The following GPM6A variants were observed in gnomAD, a reference collection of about 807,000 sequenced individuals.
GPM6A encodes glycoprotein M6A, also known as neuronal membrane glycoprotein M6-a.
A neutral mutation model predicts 32.1 loss-of-function variants in GPM6A; 7 were observed. That is an observed-to-expected ratio of 0.22 (90% CI 0.12 to 0.41). GPM6A has a LOEUF of 0.41. Ranked by LOEUF, GPM6A falls within the 10% of genes least tolerant of loss-of-function variation. The pLI is 1.00. For missense variants in GPM6A, 235 were observed against 347.2 expected, an observed-to-expected ratio of 0.68 and a Z score of 2.57; for synonymous variants, 130 against 123.4, an observed-to-expected ratio of 1.05 and a Z score of -0.35.
intron 2 of GPM6A, among the ~76,000 whole-genome samples, chr4:175,697,054 TA>T (rs1744619514): frequency 1.3e-5 from 2 of 152,222 alleles, no homozygotes; most frequent in African/African-American, 4.8e-5. Context: ...TTACAGTCAT[TA>T]AAAAATTAAT....
chr4:175,809,742 C>G (rs146352865), intron 1 of GPM6A, among the ~76,000 whole-genome samples: 1 of 152,280 alleles, frequency 6.6e-6, no homozygotes, highest in Non-Finnish European at 1.5e-5. Context: ...GGAGTGGGCT[C>G]TCACTATGAA....
intron 1 of GPM6A, among the ~76,000 whole-genome samples, chr4:175,790,002 C>T (rs1733949497): frequency 6.6e-6 from 1 of 152,180 alleles, no homozygotes; most frequent in Non-Finnish European, 1.5e-5. Context: ...AAGGCTGTTT[C>T]AACCTTTTCT....
At chr4:175,954,925 C>T (rs958584197) in intron 1 of GPM6A, among the ~76,000 whole-genome samples, 6 of 152,268 alleles carry the variant, frequency 3.9e-5, no homozygotes, top group Admixed American at 6.5e-5. Context: ...GTACTACAGG[C>T]GCTGTGAGGG....
At chr4:175,682,568 C>T (rs539260900) in intron 2 of GPM6A, among the ~76,000 whole-genome samples, 5 of 152,274 alleles carry the variant, frequency 3.3e-5, no homozygotes, top group Admixed American at 2.6e-4. Flanking sequence ...GGCCCAGAGG[C>T]CTAGAAGGAA....
intron 1 of GPM6A, among the ~76,000 whole-genome samples, chr4:175,917,520 A>C (rs770551127): frequency 1.1e-4 from 17 of 152,198 alleles, no homozygotes; most frequent in Non-Finnish European, 2.5e-4. Flanking sequence ...AAGAACAAAG[A>C]AGGCAGAAAC....
intron 3 of GPM6A, among the ~76,000 whole-genome samples, chr4:175,663,474 A>C (rs2110952854): frequency 6.6e-6 from 1 of 152,316 alleles, no homozygotes; most frequent in South Asian, 2.1e-4. Context: ...TGGTCGCTAT[A>C]GTTAATAACA....
chr4:175,951,224 C>A (rs906616858), intron 1 of GPM6A, among the ~76,000 whole-genome samples: 3 of 152,172 alleles, frequency 2.0e-5, no homozygotes, highest in Non-Finnish European at 4.4e-5. Flanking sequence ...CCAACTGACC[C>A]TGTAACAAGC....
At chr4:175,681,162 T>C (rs1743662575) in intron 2 of GPM6A, among the ~76,000 whole-genome samples, 1 of 152,220 alleles carries the variant, frequency 6.6e-6, no homozygotes, top group Non-Finnish European at 1.5e-5. Flanking sequence ...GTAGTTTTGT[T>C]ACGTATTGCC....
intron 1 of GPM6A, among the ~76,000 whole-genome samples, chr4:175,961,802 A>G (rs984134573): frequency 6.6e-6 from 1 of 152,042 alleles, no homozygotes; most frequent in Non-Finnish European, 1.5e-5. Context: ...TGCCTACCCA[A>G]CCTCGAAGAA....
At chr4:175,860,891 A>G (rs1017894819) in intron 1 of GPM6A, among the ~76,000 whole-genome samples, 1 of 152,166 alleles carries the variant, frequency 6.6e-6, no homozygotes, top group Non-Finnish European at 1.5e-5. Context: ...GCTACTCTTT[A>G]TGTGTAAAGC....
At chr4:175,913,727 C>T (rs538173230) in intron 1 of GPM6A, among the ~76,000 whole-genome samples, 1 of 152,128 alleles carries the variant, frequency 6.6e-6, no homozygotes, top group Non-Finnish European at 1.5e-5. Flanking sequence ...CTCCTTCAAG[C>T]CTTTGCCAAA....
intron 3 of GPM6A, among the ~76,000 whole-genome samples, chr4:175,658,352 C>T (rs770488581): frequency 6.6e-6 from 1 of 150,894 alleles, no homozygotes; most frequent in Non-Finnish European, 1.5e-5. Context: ...AGTTTCAGCT[C>T]TATGACATTC....
chr4:175,975,113 G>C (rs542615563), intron 1 of GPM6A, among the ~76,000 whole-genome samples: 52 of 152,268 alleles, frequency 3.4e-4, no homozygotes, highest in African/African-American at 1.2e-3. Flanking sequence ...CTGCTCATCT[G>C]TGCCATACAT....
At chr4:175,855,772 CTTATG>C (rs1242840173) in intron 1 of GPM6A, among the ~76,000 whole-genome samples, 23 of 152,146 alleles carry the variant, frequency 1.5e-4, no homozygotes, top group Admixed American at 1.5e-3. Flanking sequence ...GATTTAAGAA[CTTATG>C]TTAATATAAT....
intron 1 of GPM6A, among the ~76,000 whole-genome samples, chr4:175,926,567 C>A (rs1738845317): frequency 6.6e-6 from 1 of 152,026 alleles, no homozygotes; most frequent in African/African-American, 2.4e-5. Context: ...TTAAATATGA[C>A]AATTTTCTAA....
intron 6 of GPM6A, among the ~76,000 whole-genome samples, chr4:175,636,260 G>GTGTATATA (rs1203632844): frequency 3.6e-4 from 36 of 101,316 alleles, no homozygotes; most frequent in African/African-American, 4.0e-4. Flanking sequence ...CATAATCACT[G>GTGTATATA]TATATATATA....
chr4:175,639,693 A>G (rs969761782), intron 6 of GPM6A, among the ~76,000 whole-genome samples: 5 of 152,156 alleles, frequency 3.3e-5, no homozygotes, highest in East Asian at 1.9e-4. Flanking sequence ...GATATAGAAG[A>G]CATGACTTGA....
chr4:175,646,039 T>A (rs1381145629), intron 4 of GPM6A, among the ~76,000 whole-genome samples: 1 of 152,142 alleles, frequency 6.6e-6, no homozygotes, highest in Admixed American at 6.6e-5. Context: ...GAATGACTCC[T>A]CTCCTTTGGC....
chr4:175,903,767 T>C (rs1738039906), intron 1 of GPM6A, among the ~76,000 whole-genome samples: 2 of 152,126 alleles, frequency 1.3e-5, no homozygotes. Context: ...GTTGAGAAAC[T>C]CTTTCAGATT....
Sources: gnomAD v4.1 joint callset for allele counts (sites outside exome capture counted in the v4.1 genomes callset) on GRCh38, gnomAD v4.1.1 for gene constraint, MANE v1.5 for transcripts, NCBI Gene and HGNC (gene_info 2026-07-23, HGNC 2026-07-21) for gene names.